Variants in CACNA1F observed in about 807,000 individuals in gnomAD.
CACNA1F encodes the protein calcium voltage-gated channel subunit alpha1 F.
Under a neutral mutation model 143.8 loss-of-function variants are expected in CACNA1F, and 59 were observed. The ratio of observed to expected loss-of-function variants is 0.41; its 90% CI spans 0.33 to 0.51. CACNA1F has a LOEUF of 0.51. CACNA1F is among the 20% of genes least tolerant of loss of function. The pLI, the probability that CACNA1F is intolerant of heterozygous loss-of-function variation, is 0.22. For synonymous variants in CACNA1F, 643 were observed against 649.1 expected (o/e 0.99, Z 0.14); for missense variants, 1,411 against 1,647.5 (o/e 0.86, Z 2.48).
chrX:49,231,018 G>T, intron 3 of CACNA1F, 29 bp from the exon 4 acceptor site: 1 of 1,058,039 alleles, frequency 9.5e-7, no homozygotes, highest in Non-Finnish European at 1.3e-6. Flanking sequence ...GGCGGGTCGG[G>T]AAGTCGAGGA....
rs782616784 is a variant in CACNA1F, at chrX:49,212,976, C to T, written c.3811G>A (p.Glu1271Lys). 5 of 1,202,147 alleles carry T rather than the reference C, an allele frequency of 4.2e-6. No homozygotes were observed. Among genetic ancestry groups the T allele is most frequent in the East Asian group, 3.0e-5 (1 of 33,541 alleles). ...TEVNNGGHLG[E>K]SSEDSSRISI... ...TCCCTGTTATTAGGGTGGGCTACCT[C>T]GCCAAGGTGGCCACCATTCTGGAGG... is the stretch of plus-strand genomic sequence containing the variant. Residue 1271 changes from glutamate (E) to lysine (K), a missense_variant and splice_region_variant, in exon 32 of 48, where the codon GAG becomes AAG. Physicochemically the swap from Glu to Lys is moderately conservative, Grantham distance 56. Coordinates refer to ENST00000323022, the MANE Select transcript of CACNA1F (RefSeq NM_001256789.3).
Position 49,229,681 on chromosome X carries a change from G to A in CACNA1F, c.817+539C>T, listed in dbSNP as rs781998491. 1.4e-3 allele frequency among the ~76,000 whole-genome samples: 149 copies of A among 110,087 alleles called. 1 individual carries two copies. Among genetic ancestry groups the A allele is most frequent in the African/African-American group, 4.6e-3 (136 of 29,364 alleles). Reference sequence around the variant, plus strand: ...GTCGCCCAGGCTGGAGTGCAGTGGCGCATCTCGGCTCACTGCAAGCTCCGC... The same window carrying A: ...GTCGCCCAGGCTGGAGTGCAGTGGCACATCTCGGCTCACTGCAAGCTCCGC... On this transcript the variant is annotated intron_variant, in intron 6 of 47. Coordinates refer to ENST00000323022, the MANE Select transcript of CACNA1F (RefSeq NM_001256789.3).
intron 46 of CACNA1F, 131 bp from the exon 47 acceptor site, chrX:49,205,944 T>C (rs782178861): frequency 1.8e-6 from 1 of 566,430 alleles, no homozygotes; most frequent in Admixed American, 3.2e-5. Context: ...AAGTCAGGCT[T>C]GAGTTTATTT....
At chrX:49,208,770 G>T in intron 42 of CACNA1F, 86 bp from the exon 43 acceptor site, 1 of 792,770 alleles carries the variant, frequency 1.3e-6, no homozygotes, top group Non-Finnish European at 1.9e-6. Context: ...ACAGGTCCAT[G>T]AATGTGGGCC....
intron 37 of CACNA1F, 38 bp from the exon 38 acceptor site, chrX:49,210,724 C>T (rs1557106038): frequency 9.5e-7 from 1 of 1,057,247 alleles, no homozygotes; most frequent in Non-Finnish European, 1.3e-6. Flanking sequence ...ATTGGCGATG[C>T]CCCCACTAGC....
At chrX:49,230,446 C>T in intron 5 of CACNA1F, 21 bp downstream of exon 5, 2 of 1,208,760 alleles carry the variant, frequency 1.7e-6, no homozygotes, top group South Asian at 1.8e-5. Context: ...CACCTCCGAC[C>T]TCGGGGGATG....
chrX:49,205,631 G>T lies in CACNA1F; in HGVS notation c.5655C>A (p.Asp1885Glu), dbSNP rs1557104670. The change falls in exon 47 of 48, where the codon GAC (aspartate) becomes GAA (glutamate). Residue 1885 changes from aspartate (D) to glutamate (E), a missense_variant. Coordinates refer to ENST00000323022, the MANE Select transcript of CACNA1F (RefSeq NM_001256789.3). Reference sequence around the variant, plus strand: ...CTGGACTCACAGCCTCCACCAAGCTGTCGGCACTGCCCCTCTTCCCATGGC... The same window carrying T: ...CTGGACTCACAGCCTCCACCAAGCTTTCGGCACTGCCCCTCTTCCCATGGC... ...DPSHGKRGSA[D>E]SLVEAVLISE... 1 of 1,203,995 alleles carries T rather than the reference G, an allele frequency of 8.3e-7. No homozygotes were observed. The highest frequency in any genetic ancestry group is 2.2e-5 in the Admixed American group (1 of 45,395).
rs1246690290 is a variant in CACNA1F at position 49,214,176 on chromosome X, T to C, written c.3691A>G (p.Ile1231Val). The C allele has an allele frequency of 5.0e-6, 6 of 1,195,816 alleles. No homozygotes were observed. In the Middle Eastern group the frequency reaches 9.2e-4, roughly 184 times the overall value. Residue 1231 changes from isoleucine (I) to valine (V), a missense_variant, in exon 30 of 48, where the codon ATC becomes GTC. Transcript: ENST00000323022. ...GGGGCCACCTTGGGCTTGAAGGCGA[T>C]GATTTTGAGCACCATCTCAATAGTG... ...LFTIEMVLKI[I>V]AFKPKHYFTD...
At chrX:49,213,676 A>T (rs1844704937) in intron 31 of CACNA1F, 143 bp downstream of exon 31, 2 of 538,173 alleles carry the variant, frequency 3.7e-6, no homozygotes, top group South Asian at 4.8e-5. Context: ...CTCAGAAGAG[A>T]TAGAGCTAGA....
chrX:49,222,642 C>T, intron 16 of CACNA1F, 39 bp from the exon 17 acceptor site: 6 of 1,204,469 alleles, frequency 5.0e-6, no homozygotes, highest in Non-Finnish European at 6.7e-6. Flanking sequence ...GAGAAGCACC[C>T]TGCCTATAGA....
rs782232591 is a variant in CACNA1F at position 49,214,526 on chromosome X, GT to G, written c.3598-258del. On this transcript the variant is annotated intron_variant, in intron 29 of 47. Coordinates refer to ENST00000323022, the MANE Select transcript of CACNA1F (RefSeq NM_001256789.3). Reference sequence around the variant, plus strand: ...AATCTGCTGTTGGTTAGCAGCTTGTGTAAAAAAAATTTTGCTTTCCGATGAA... The same window carrying G: ...AATCTGCTGTTGGTTAGCAGCTTGTGAAAAAAAATTTTGCTTTCCGATGAA... Among the ~76,000 whole-genome samples the G allele has an allele frequency of 7.3e-3, 821 of 112,465 alleles. 8 individuals are homozygous for G. The highest frequency in any genetic ancestry group is 0.025 in the African/African-American group (765 of 31,014).
chrX:49,210,878 T>A, intron 37 of CACNA1F, 87 bp downstream of exon 37: 1 of 1,030,015 alleles, frequency 9.7e-7, no homozygotes, highest in Non-Finnish European at 1.3e-6. Flanking sequence ...GGTAATGAGA[T>A]GCAGCAGTCG....
intron 27 of CACNA1F, among the ~76,000 whole-genome samples, chrX:49,216,098 A>T (rs1256647753): frequency 3.7e-5 from 4 of 109,373 alleles, no homozygotes; most frequent in Non-Finnish European, 7.6e-5. Context: ...AACCATCTCC[A>T]ATCCTTTCCA....
Position 49,205,636 on chromosome X carries a change from C to A in CACNA1F, c.5650G>T (p.Ala1884Ser). Residue 1884 changes from alanine to serine, a missense_variant, in exon 47 of 48, where the codon GCC (alanine) becomes TCC (serine). Coordinates refer to ENST00000323022, the MANE Select transcript of CACNA1F (RefSeq NM_001256789.3). ...CTCACAGCCTCCACCAAGCTGTCGG[C>A]ACTGCCCCTCTTCCCATGGCTGGGG... ...SDPSHGKRGSADSLVEAVLIS... is the reference protein window; with the variant it reads ...SDPSHGKRGSSDSLVEAVLIS... The A allele has an allele frequency of 8.3e-7, 1 of 1,204,488 alleles. No individual in the cohort carries two copies. Among genetic ancestry groups the A allele is most frequent in the Non-Finnish European group, 1.1e-6 (1 of 891,539 alleles).
rs5906756 is a variant in CACNA1F at position 49,220,613 on chromosome X, G to A, written c.2335-89C>T. On this transcript the variant is annotated intron_variant, in intron 18 of 47. Coordinates refer to ENST00000323022, the MANE Select transcript of CACNA1F (RefSeq NM_001256789.3). The stretch of plus-strand genomic sequence containing the variant: ...GCATGGAAGAAATGTAATAATAGGG[G>A]AAAGAATAGGCAGAGGATGAAGGTT... 83,539 of 738,912 alleles carry A rather than the reference G, an allele frequency of 0.11. 3,645 individuals are homozygous for A. The highest frequency in any genetic ancestry group is 0.26 in the South Asian group (11,922 of 45,243). 60.9% of individuals were successfully genotyped at this position (738,912 alleles called of 1,213,427 possible).
rs782300877 is a variant in CACNA1F at position 49,206,831 on chromosome X, T to C, written c.5256A>G (p.Ala1752=). 2 of 1,187,039 alleles carry C rather than the reference T, an allele frequency of 1.7e-6. No homozygotes were observed. Among genetic ancestry groups the C allele is most frequent in the Admixed American group, 4.4e-5 (2 of 45,328 alleles). Residue 1752 remains alanine, a synonymous_variant, in exon 45 of 48, where the codon GCA becomes GCG. Coordinates refer to ENST00000323022, the MANE Select transcript of CACNA1F (RefSeq NM_001256789.3). The stretch of plus-strand genomic sequence containing the variant: ...AAAGGACTGAGCACGGGGGAGTCCC[T>C]GCCTGCTCATCTAGGTAGGAAAGCC... ...PDRLSYLDEQ[A]GTPPCSVLLP... is the part of the protein sequence containing the mutation.
chrX:49,208,431 C>CCACAA, intron 43 of CACNA1F, 84 bp downstream of exon 43: 1 of 611,306 alleles, frequency 1.6e-6, no homozygotes. Flanking sequence ...CCACCCCCCT[C>CCACAA]AACTTCCTGC....
chrX:49,218,471 C>T lies in CACNA1F; in HGVS notation c.2912G>A (p.Arg971Lys). The change falls in exon 24 of 48, where the codon AGG becomes AAG. Residue 971 changes from arginine (R) to lysine (K), a missense_variant. Arg to Lys is a conservative substitution (Grantham distance 26, BLOSUM62 2). Transcript: ENST00000323022. ...RVLRPLRAIN[R>K]AKGLKHVVQC... is the part of the protein sequence containing the mutation. ...TGGGGTTACCTTGAGTCCCTTGGCC[C>T]TGTTGATGGCTCGGAGGGGCCGCAG... 1 of 1,181,008 alleles carries T rather than the reference C, an allele frequency of 8.5e-7. No homozygotes were observed.
At chrX:49,217,840 C>A (rs1557107786) in intron 25 of CACNA1F, 33 bp from the exon 26 acceptor site, 1 of 1,192,301 alleles carries the variant, frequency 8.4e-7, no homozygotes, top group Admixed American at 2.2e-5. Flanking sequence ...GTAGGTTCAC[C>A]CTTCATCACA....
Sources: gnomAD v4.1 joint callset for allele counts (sites outside exome capture counted in the v4.1 genomes callset) on GRCh38, gnomAD v4.1.1 for gene constraint, MANE v1.5 for transcripts, NCBI Gene and HGNC (gene_info 2026-07-23, HGNC 2026-07-21) for gene names.